The following TMC1 variants were observed in gnomAD, a reference collection of about 807,000 sequenced individuals.
TMC1 encodes the protein transmembrane channel like 1.
A neutral mutation model predicts 105.8 loss-of-function variants in TMC1; 84 were observed. The observed-to-expected ratio is 0.79, with a 90% confidence interval of 0.67 to 0.95. The LOEUF is 0.95. TMC1 is among the 40% of genes least tolerant of loss of function. The pLI is 0.00. For missense variants in TMC1, 817 were observed against 914.1 expected (o/e 0.89, Z 1.37); for synonymous variants, 315 against 311.5 (o/e 1.01, Z -0.12).
chr9:72,570,977 C>T (rs1824272925), intron 1 of TMC1, among the ~76,000 whole-genome samples: 1 of 135,788 alleles, frequency 7.4e-6, no homozygotes, highest in Non-Finnish European at 1.6e-5. Context: ...GCATGAGCCA[C>T]CGCACCCGAC....
chr9:72,800,644 C>CTT (rs796171527), intron 17 of TMC1, among the ~76,000 whole-genome samples: 114 of 143,016 alleles, frequency 8.0e-4, no homozygotes, highest in African/African-American at 2.2e-3. Context: ...TGCTGCTTGT[C>CTT]TTTTTTTTTT....
At position 72,836,082 on chromosome 9, in the gene TMC1, C is replaced by A; in HGVS notation, c.*109C>A. On this transcript the variant is annotated 3_prime_UTR_variant, in exon 24 of 24. Transcript: ENST00000297784. ...ACTGTGGAACTGCTATTTTCCTGTTCTACCCTTGATGGATTTTCAAGGTCA... is the reference window on the plus strand; with the variant it reads ...ACTGTGGAACTGCTATTTTCCTGTTATACCCTTGATGGATTTTCAAGGTCA... The A allele has an allele frequency of 7.7e-7, 1 of 1,292,254 alleles. No homozygotes were observed. The highest frequency in any genetic ancestry group is 1.1e-6 in the Non-Finnish European group (1 of 897,150). The allele number at this position is 1,292,254 out of a possible 1,614,324, so 80.0% of individuals were successfully genotyped here.
chr9:72,609,179 CCCTTCCTTCCTTCCTT>C (rs60808924), intron 2 of TMC1, among the ~76,000 whole-genome samples: 1,515 of 136,158 alleles, frequency 0.011, 42 homozygotes, highest in Admixed American at 0.07. Flanking sequence ...CTTCCTCCTT[CCCTTCCTTCCTTCCTT>C]CCTTCCTTCC....
chr9:72,652,622 G>A (rs764711629), intron 5 of TMC1, among the ~76,000 whole-genome samples: 24 of 152,270 alleles, frequency 1.6e-4, no homozygotes, highest in Non-Finnish European at 3.2e-4. Flanking sequence ...CCCGGGGAAC[G>A]TCTGTAAAAA....
intron 1 of TMC1, among the ~76,000 whole-genome samples, chr9:72,529,119 G>T (rs1198595517): frequency 2.1e-5 from 3 of 142,364 alleles, no homozygotes; most frequent in Admixed American, 2.1e-4. Context: ...TTTAATCAGG[G>T]ACTGAAGCAT....
chr9:72,775,372 A>G lies in TMC1; in HGVS notation c.884+2817A>G, dbSNP rs530922285. Reference sequence around the variant, plus strand: ...ATTAAAAGCAAATTAAAACAGTATAACATAAAGTTACACAACATGGAAACC... The same window carrying G: ...ATTAAAAGCAAATTAAAACAGTATAGCATAAAGTTACACAACATGGAAACC... On this transcript the variant is annotated intron_variant, in intron 13 of 23. Coordinates refer to ENST00000297784, the MANE Select transcript of TMC1 (RefSeq NM_138691.3). Among the ~76,000 whole-genome samples, 8 of 152,320 alleles carry G rather than the reference A, an allele frequency of 5.3e-5. No individual in the cohort carries two copies. In the South Asian group the frequency reaches 1.7e-3, roughly 32 times the overall value.
At chr9:72,551,519 G>A (rs1339528984) in intron 1 of TMC1, among the ~76,000 whole-genome samples, 1 of 152,188 alleles carries the variant, frequency 6.6e-6, no homozygotes, top group East Asian at 1.9e-4. Context: ...GAAGCAGATG[G>A]TGTGGGGGAT....
chr9:72,787,836 G>A (rs759285108), intron 13 of TMC1, among the ~76,000 whole-genome samples: 2 of 152,154 alleles, frequency 1.3e-5, no homozygotes, highest in Non-Finnish European at 1.5e-5. Flanking sequence ...TATTTGGGAT[G>A]AGATTCTAGG....
At chr9:72,804,591 G>C (rs1828536879) in intron 17 of TMC1, among the ~76,000 whole-genome samples, 3 of 152,170 alleles carry the variant, frequency 2.0e-5, no homozygotes, top group Admixed American at 2.0e-4. Flanking sequence ...GTACTTTCAT[G>C]ATTGTATGTA....
intron 1 of TMC1, among the ~76,000 whole-genome samples, chr9:72,563,843 T>A (rs1018499523): frequency 2.3e-5 from 3 of 127,736 alleles, no homozygotes; most frequent in African/African-American, 9.4e-5. Flanking sequence ...GAGGCTGCAG[T>A]GAACGAGATC....
intron 5 of TMC1, among the ~76,000 whole-genome samples, chr9:72,672,823 AACACACACACACACACAC>A (rs34028814): frequency 2.9e-5 from 4 of 139,920 alleles, no homozygotes; most frequent in African/African-American, 8.0e-5. Context: ...AAGCCTGGGC[AACACACACACACACACAC>A]ACACACACAC....
chr9:72,691,362 T>C (rs1459470161), intron 6 of TMC1, among the ~76,000 whole-genome samples: 5 of 152,162 alleles, frequency 3.3e-5, no homozygotes, highest in African/African-American at 1.2e-4. Context: ...TATGTTTTCC[T>C]GTTTCTTTAT....
In TMC1 at chr9:72,805,547, A is replaced by T. The variant is rs753387796; in HGVS notation, c.1695+37A>T. The T allele has an allele frequency of 0.022, 30,820 of 1,408,332 alleles. 126 individuals carry two copies. Among genetic ancestry groups the T allele is most frequent in the Non-Finnish European group, 0.025 (26,120 of 1,030,874 alleles). The allele number at this position is 1,408,332 out of a possible 1,614,324, so 87.2% of individuals were successfully genotyped here. A position where few individuals can be genotyped will look rare whatever the true frequency, so the allele number is the denominator to read the frequency against. On this transcript the variant is annotated intron_variant, in intron 18 of 23. Coordinates refer to ENST00000297784, the MANE Select transcript of TMC1 (RefSeq NM_138691.3). ...GTTAATTTTGCTTTTTTTTTTTTTTAAATTTATTTATTTTTTATTGATAAT... is the reference window on the plus strand; with the variant it reads ...GTTAATTTTGCTTTTTTTTTTTTTTTAATTTATTTATTTTTTATTGATAAT...
intron 1 of TMC1, among the ~76,000 whole-genome samples, chr9:72,568,988 G>A (rs1269216734): frequency 1.3e-5 from 2 of 152,104 alleles, no homozygotes; most frequent in African/African-American, 4.8e-5. Flanking sequence ...GTTGTCCCTT[G>A]GTGAAAATGG....
At chr9:72,554,686 T>C (rs1258696640) in intron 1 of TMC1, among the ~76,000 whole-genome samples, 1 of 152,224 alleles carries the variant, frequency 6.6e-6, no homozygotes, top group Non-Finnish European at 1.5e-5. Context: ...CTTTGGTATC[T>C]GACTTTGTGG....
intron 17 of TMC1, 54 bp downstream of exon 17, chr9:72,792,406 A>G: frequency 6.3e-7 from 1 of 1,595,198 alleles, no homozygotes; most frequent in Non-Finnish European, 8.6e-7. Context: ...AAAGAGAGTC[A>G]ATATCTCTTC....
intron 2 of TMC1, among the ~76,000 whole-genome samples, chr9:72,584,017 CA>C (rs543288658): frequency 6.6e-6 from 1 of 152,090 alleles, no homozygotes; most frequent in Non-Finnish European, 1.5e-5. Context: ...ATGTTCCTGG[CA>C]GGGGGGTTAA....
chr9:72,736,048 G>A (rs1827292934), intron 8 of TMC1, among the ~76,000 whole-genome samples: 1 of 152,110 alleles, frequency 6.6e-6, no homozygotes, highest in Non-Finnish European at 1.5e-5. Context: ...TAGAGCATTA[G>A]AGAAGAAAAG....
At chr9:72,823,222 G>A (rs1454256588) in intron 20 of TMC1, among the ~76,000 whole-genome samples, 2 of 151,844 alleles carry the variant, frequency 1.3e-5, no homozygotes, top group Non-Finnish European at 2.9e-5. Flanking sequence ...GCCAAAGGAT[G>A]TTTGCATTGT....
Sources: gnomAD v4.1 joint callset for allele counts (sites outside exome capture counted in the v4.1 genomes callset) on GRCh38, gnomAD v4.1.1 for gene constraint, MANE v1.5 for transcripts, NCBI Gene and HGNC (gene_info 2026-07-23, HGNC 2026-07-21) for gene names.